Variants in SKAP1 observed in about 807,000 individuals in gnomAD.
The protein encoded by SKAP1 is src kinase-associated phosphoprotein 1.
In SKAP1, 44 loss-of-function variants were observed where a neutral mutation model predicts 58.5. The ratio of observed to expected loss-of-function variants is 0.75; its 90% CI spans 0.59 to 0.97. SKAP1 has a LOEUF of 0.97. Among genes scored for constraint, SKAP1 ranks in the 50% least tolerant of loss-of-function variants. The pLI, the probability that SKAP1 is intolerant of heterozygous loss-of-function variation, is 0.00. For missense variants in SKAP1, 390 were observed against 435.2 expected (o/e 0.90, Z 0.92); for synonymous variants, 127 against 149.7 (o/e 0.85, Z 1.11).
At chr17:48,414,064 C>T (rs1449098829) in intron 1 of SKAP1, among the ~76,000 whole-genome samples, 1 of 152,206 alleles carries the variant, frequency 6.6e-6, no homozygotes, top group Non-Finnish European at 1.5e-5. Flanking sequence ...ATGCTTATCA[C>T]AGGCTAAGCA....
chr17:48,409,352 G>A (rs1169245795), intron 1 of SKAP1, among the ~76,000 whole-genome samples: 1 of 152,120 alleles, frequency 6.6e-6, no homozygotes, highest in Non-Finnish European at 1.5e-5. Flanking sequence ...TCCATACCCT[G>A]GAATATTATT....
intron 2 of SKAP1, among the ~76,000 whole-genome samples, chr17:48,381,405 A>T (rs1250097493): frequency 6.6e-6 from 1 of 152,190 alleles, no homozygotes; most frequent in Non-Finnish European, 1.5e-5. Flanking sequence ...GTCTTAGCAC[A>T]TGGTATTTCT....
At chr17:48,405,015 T>C (rs9899717) in intron 1 of SKAP1, among the ~76,000 whole-genome samples, 128 of 152,270 alleles carry the variant, frequency 8.4e-4, no homozygotes, top group African/African-American at 2.9e-3. Context: ...CAATCCACAA[T>C]AGATATGACC....
In SKAP1 at chr17:48,260,779, G is replaced by A. The variant is rs566342418; in HGVS notation, c.281-71279C>T. Among the ~76,000 whole-genome samples, 12 of 152,246 alleles carry A rather than the reference G, an allele frequency of 7.9e-5. No homozygotes were observed. The South Asian group carries it at 2.5e-3, about 32-fold the overall frequency. ...CCAGATCAAAGCTTTTTCACACCAT[G>A]ACTATCTCGAATCAGCTTTTCTCCT... On this transcript the variant is annotated intron_variant, in intron 4 of 12. Coordinates refer to ENST00000336915, the MANE Select transcript of SKAP1 (RefSeq NM_003726.4).
chr17:48,377,417 T>TA (rs11408713), intron 2 of SKAP1: 30,880 of 145,032 alleles, frequency 0.21, 3,162 homozygotes, highest in Non-Finnish European at 0.23. Flanking sequence ...CTAGAAAAAA[T>TA]AAAAAAAAAA....
chr17:48,134,074 A>G (rs2063670415), intron 12 of SKAP1, among the ~76,000 whole-genome samples: 1 of 151,996 alleles, frequency 6.6e-6, no homozygotes, highest in Admixed American at 6.6e-5. Flanking sequence ...TTTTTTTTAA[A>G]CTTACCAACA....
At chr17:48,252,707 T>G (rs1216984215) in intron 4 of SKAP1, among the ~76,000 whole-genome samples, 1 of 128,262 alleles carries the variant, frequency 7.8e-6, no homozygotes, top group East Asian at 2.3e-4. Flanking sequence ...GCCAAAGCTC[T>G]AAGCTAGTGT....
chr17:48,325,023 C>A (rs1201909099), intron 4 of SKAP1, among the ~76,000 whole-genome samples: 1 of 151,232 alleles, frequency 6.6e-6, no homozygotes, highest in Non-Finnish European at 1.5e-5. Context: ...CCGAGGCGGG[C>A]GGATCACGAG....
At chr17:48,343,411 A>G (rs2066682605) in intron 4 of SKAP1, among the ~76,000 whole-genome samples, 1 of 152,182 alleles carries the variant, frequency 6.6e-6, no homozygotes, top group African/African-American at 2.4e-5. Context: ...GTTATGTATT[A>G]GGCACTCAGG....
chr17:48,374,270 G>GACT (rs1248780180), intron 2 of SKAP1, among the ~76,000 whole-genome samples: 9 of 150,402 alleles, frequency 6.0e-5, no homozygotes, highest in Non-Finnish European at 1.0e-4. Context: ...TGAACTCCTG[G>GACT]ACTCAAGCAA....
chr17:48,166,868 CTT>C (rs34581074), intron 10 of SKAP1, among the ~76,000 whole-genome samples: 68 of 147,082 alleles, frequency 4.6e-4, no homozygotes, highest in African/African-American at 1.7e-3. Context: ...ACAATTTTTC[CTT>C]TTTTTTTTTT....
At chr17:48,256,902 C>G (rs1364896138) in intron 4 of SKAP1, among the ~76,000 whole-genome samples, 1 of 152,030 alleles carries the variant, frequency 6.6e-6, no homozygotes, top group Non-Finnish European at 1.5e-5. Flanking sequence ...GGAATAGTCA[C>G]TTGGTCCAAA....
intron 4 of SKAP1, among the ~76,000 whole-genome samples, chr17:48,195,313 T>C (rs2143568306): frequency 6.6e-6 from 1 of 152,364 alleles, no homozygotes; most frequent in Middle Eastern, 3.4e-3. Flanking sequence ...CTTCCGATGC[T>C]AACAAGGAAG....
intron 4 of SKAP1, among the ~76,000 whole-genome samples, chr17:48,293,295 C>T (rs2065921816): frequency 6.6e-6 from 1 of 151,930 alleles, no homozygotes; most frequent in South Asian, 2.1e-4. Flanking sequence ...AAAATAGATC[C>T]ACAAAGAAGC....
intron 4 of SKAP1, among the ~76,000 whole-genome samples, chr17:48,202,085 G>T (rs2064735279): frequency 6.6e-6 from 1 of 152,166 alleles, no homozygotes; most frequent in Admixed American, 6.5e-5. Context: ...ACAGACTCCT[G>T]ACATCTCTAT....
chr17:48,214,858 G>A (rs564649385), intron 4 of SKAP1, among the ~76,000 whole-genome samples: 1 of 151,380 alleles, frequency 6.6e-6, no homozygotes, highest in Admixed American at 6.6e-5. Context: ...GGAGGCGGAG[G>A]TTGCAGTGAG....
intron 4 of SKAP1, among the ~76,000 whole-genome samples, chr17:48,267,860 A>T (rs2065573519): frequency 1.3e-5 from 2 of 152,204 alleles, no homozygotes; most frequent in Admixed American, 1.3e-4. Context: ...GGGAAGGGAG[A>T]GATGGAAAGG....
chr17:48,151,102 A>G (rs896833077), intron 11 of SKAP1, among the ~76,000 whole-genome samples: 2 of 152,050 alleles, frequency 1.3e-5, no homozygotes, highest in African/African-American at 2.4e-5. Flanking sequence ...AAAAAAAAAA[A>G]AGAGCCTTTC....
chr17:48,165,396 TTTC>T, intron 10 of SKAP1, among the ~76,000 whole-genome samples: 1 of 150,136 alleles, frequency 6.7e-6, no homozygotes, highest in African/African-American at 2.4e-5. Context: ...TCTTTCTTTC[TTTC>T]TTTCTTTTTT....
Sources: gnomAD v4.1 joint callset for allele counts (sites outside exome capture counted in the v4.1 genomes callset) on GRCh38, gnomAD v4.1.1 for gene constraint, MANE v1.5 for transcripts, NCBI Gene and HGNC (gene_info 2026-07-23, HGNC 2026-07-21) for gene names.